TUBGCP2: variants seen among roughly 807,000 people sequenced by gnomAD.
The protein encoded by TUBGCP2 is tubulin gamma complex component 2, also known as gamma-tubulin complex component 2.
A neutral mutation model predicts 92.2 loss-of-function variants in TUBGCP2; 55 were observed. That is an observed-to-expected ratio of 0.60 (90% CI 0.48 to 0.75). The LOEUF (loss-of-function observed/expected upper bound fraction) is 0.75, where lower values mean the gene tolerates loss of function less well. Ranked by LOEUF, TUBGCP2 falls within the 30% of genes least tolerant of loss-of-function variation. TUBGCP2 has a pLI of 0.00. For missense variants in TUBGCP2, 1,093 were observed against 1,188.9 expected (o/e 0.92, Z 1.19); for synonymous variants, 533 against 505.2 (o/e 1.06, Z -0.74).
At position 133,281,397 on chromosome 10, in the gene TUBGCP2, C is replaced by T. The variant is rs374528042; in HGVS notation, c.2449G>A (p.Gly817Ser). The change falls in exon 17 of 18, where the codon GGC becomes AGC. Residue 817 changes from glycine to serine, a missense_variant. By Grantham distance (56) the Gly-to-Ser change is moderately conservative. Around this residue, in one of 3 missense-constraint regions of TUBGCP2, gnomAD observed 598 missense variants for 675.5 expected, o/e 0.89. Transcript: ENST00000252936. Reference protein sequence around the residue: ...EHADTVQLVSGFEATINKFDK... With the variant: ...EHADTVQLVSSFEATINKFDK... ...AACTTGTTGATGGTGGCCTCGAAGCCGGACACCAGCTGCACAGTGTCTGCG... is the reference window on the plus strand; with the variant it reads ...AACTTGTTGATGGTGGCCTCGAAGCTGGACACCAGCTGCACAGTGTCTGCG... 24 of 1,613,492 alleles carry T rather than the reference C, an allele frequency of 1.5e-5. No homozygotes were observed. The highest frequency in any genetic ancestry group is 4.5e-5 in the East Asian group (2 of 44,876).
rs185211643 is a variant in TUBGCP2, at chr10:133,298,230, A to C, written c.457-119T>G. 42 of 1,092,850 alleles carry C rather than the reference A, an allele frequency of 3.8e-5. No homozygotes were observed. The East Asian group carries it at 8.0e-4, about 21-fold the overall frequency. The allele number at this position is 1,092,850 out of a possible 1,614,324, so 67.7% of individuals were successfully genotyped here. On this transcript the variant is annotated intron_variant, in intron 4 of 17. Coordinates refer to ENST00000252936, the MANE Select transcript of TUBGCP2 (RefSeq NM_006659.4). ...AAGATGATTACTCAATTCAACACCCACAAAGGGTCAACCACATAGAAATGA... is the reference window on the plus strand; with the variant it reads ...AAGATGATTACTCAATTCAACACCCCCAAAGGGTCAACCACATAGAAATGA...
upstream of TUBGCP2, chr10:133,310,042 C>T (rs1284588707): frequency 6.2e-7 from 1 of 1,608,894 alleles, no homozygotes; most frequent in Admixed American, 1.7e-5. Context: ...AGTGCTGCCC[C>T]CAGCTCTCGG....
At chr10:133,306,092 G>A (rs905695226) in intron 1 of TUBGCP2, among the ~76,000 whole-genome samples, 5 of 152,220 alleles carry the variant, frequency 3.3e-5, no homozygotes, top group Admixed American at 2.0e-4. Flanking sequence ...ACAAACATGC[G>A]GCACCATTGC....
intron 13 of TUBGCP2, among the ~76,000 whole-genome samples, chr10:133,284,279 G>A (rs191381842): frequency 5.9e-5 from 9 of 152,336 alleles, no homozygotes; most frequent in African/African-American, 9.6e-5. Flanking sequence ...CTTGGTGGAC[G>A]GACCCCTCGG....
At chr10:133,309,818 G>T (rs1404215541), upstream of TUBGCP2, 2 of 1,613,616 alleles carry the variant, frequency 1.2e-6, no homozygotes, top group East Asian at 2.2e-5. Flanking sequence ...GCTGCCAGGT[G>T]TTCGATGCCC....
rs1171075996 is a variant in TUBGCP2 at position 133,308,766 on chromosome 10, C to T, written c.-40+57G>A. The T allele has an allele frequency of 1.1e-5, 4 of 361,922 alleles. No individual in the cohort carries two copies. The East Asian group carries it at 1.8e-4, about 16-fold the overall frequency. 22.4% of individuals were successfully genotyped at this position (361,922 alleles called of 1,614,324 possible). A position where few individuals can be genotyped will look rare whatever the true frequency, so the allele number is the denominator to read the frequency against. On this transcript the variant is annotated intron_variant, in intron 1 of 17. Transcript: ENST00000252936. The stretch of plus-strand genomic sequence containing the variant: ...CCGTCGCCTCGTGGGCCCCCCCGGG[C>T]CTGGCAGTCCCCCAACCCCCTCATC...
chr10:133,293,413 G>GACCCTCCAAA, intron 6 of TUBGCP2, 149 bp downstream of exon 6: 1 of 1,182,718 alleles, frequency 8.5e-7, no homozygotes, highest in Non-Finnish European at 1.2e-6. Context: ...GTGACTCACA[G>GACCCTCCAAA]ACCCTCCAAA....
rs374152525 is a variant in TUBGCP2 at position 133,288,950 on chromosome 10, G to A, written c.1431C>T (p.Tyr477=). 7 of 1,614,106 alleles carry A rather than the reference G, an allele frequency of 4.3e-6. No homozygotes were observed. In the African/African-American group the frequency reaches 6.7e-5, roughly 15 times the overall value. ...CCACATACGCCCGCTCTTTTAACGT[G>A]TAGATGATCTCTTTAGCCACCGGGC... is the stretch of plus-strand genomic sequence containing the variant. ...VTCPVAKEII[Y]TLKERAYVEQ... Residue 477 remains tyrosine (Y), a synonymous_variant, in exon 10 of 18, where the codon TAC becomes TAT. Transcript: ENST00000252936.
chr10:133,303,288 G>C (rs2136140100), intron 1 of TUBGCP2, among the ~76,000 whole-genome samples: 1 of 152,266 alleles, frequency 6.6e-6, no homozygotes, highest in South Asian at 2.1e-4. Flanking sequence ...CCTGGGATTA[G>C]GGCCCCTCCC....
At chr10:133,309,462 A>C (rs1847934993), upstream of TUBGCP2, 1 of 1,612,072 alleles carries the variant, frequency 6.2e-7, no homozygotes, top group Non-Finnish European at 8.5e-7. Flanking sequence ...TGAGAAGCCC[A>C]GGTAAGCGAA....
chr10:133,300,905 T>G (rs1847633034), intron 2 of TUBGCP2, among the ~76,000 whole-genome samples: 1 of 152,154 alleles, frequency 6.6e-6, no homozygotes, highest in Non-Finnish European at 1.5e-5. Context: ...GAGTAGCAAC[T>G]TGCATTTCCC....
Position 133,282,245 on chromosome 10 carries a change from GC to G in TUBGCP2, c.2386del (p.Ala796ProfsTer45). ...CACCTTCCTGGCGAGCTCCTTCCGG[GC>G]CCGCTCCTCGGCCCCTGCGGGCAGC... Reference protein sequence around the residue: ...LGLPAGAEERARKELARKHLA... With the variant: ...LGLPAGAEERXRKELARKHLA... On this transcript the variant is annotated frameshift_variant, in exon 16 of 18. Coordinates refer to ENST00000252936, the MANE Select transcript of TUBGCP2 (RefSeq NM_006659.4). LOFTEE classifies it high-confidence loss of function. 1.9e-6 allele frequency: 3 copies of G among 1,611,840 alleles called. No individual in the cohort carries two copies. Among genetic ancestry groups the G allele is most frequent in the South Asian group, 2.2e-5 (2 of 90,874 alleles).
At position 133,285,231 on chromosome 10, in the gene TUBGCP2, G is replaced by T. The variant is rs748396784; in HGVS notation, c.1896-18C>A. 10 of 1,610,528 alleles carry T rather than the reference G, an allele frequency of 6.2e-6. No individual in the cohort carries two copies. Among genetic ancestry groups the T allele is most frequent in the Non-Finnish European group, 7.6e-6 (9 of 1,179,944 alleles). Reference sequence around the variant, plus strand: ...GGGCTTTCCTGCAAGAGACGTGGCGGCACCTCAGGTGGGCCTCCGTGACCG... The same window carrying T: ...GGGCTTTCCTGCAAGAGACGTGGCGTCACCTCAGGTGGGCCTCCGTGACCG... On this transcript the variant is annotated intron_variant, in intron 12 of 17. Coordinates refer to ENST00000252936, the MANE Select transcript of TUBGCP2 (RefSeq NM_006659.4). This position sits in a 1 kb window ranked among gnomAD's most constrained non-coding sequence, Gnocchi z 6.8.
At chr10:133,291,329 G>A (rs1201594666) in intron 8 of TUBGCP2, among the ~76,000 whole-genome samples, 1 of 33,372 alleles carries the variant, frequency 3.0e-5, no homozygotes, top group Non-Finnish European at 6.0e-5. Context: ...AGGGCAGCAT[G>A]CACCGTCCGT....
chr10:133,282,332 T>C lies in TUBGCP2; in HGVS notation c.2300A>G (p.Gln767Arg). The C allele has an allele frequency of 6.3e-7, 1 of 1,597,560 alleles. No homozygotes were observed. Among genetic ancestry groups the C allele is most frequent in the Non-Finnish European group, 8.6e-7 (1 of 1,169,372 alleles). The change falls in exon 16 of 18, where the codon CAG becomes CGG. Residue 767 changes from glutamine (Q) to arginine (R), a missense_variant. By Grantham distance (43) the Gln-to-Arg change is conservative. Around this residue, in one of 3 missense-constraint regions of TUBGCP2, gnomAD observed 598 missense variants for 675.5 expected, o/e 0.89. Coordinates refer to ENST00000252936, the MANE Select transcript of TUBGCP2 (RefSeq NM_006659.4). ...MFTNCMQKFT[Q>R]SMKLDGELGG... is the part of the protein sequence containing the mutation. ...CAGCTCGCCATCTAATTTCATGCTC[T>C]GTGTAAATTTCTAGGGGGGGAGAGT...
Position 133,293,588 on chromosome 10 carries a change from C to T in TUBGCP2, c.798G>A (p.Val266=). 6.4e-7 allele frequency: 1 copy of T among 1,554,880 alleles called. No homozygotes were observed. Among genetic ancestry groups the T allele is most frequent in the South Asian group, 1.2e-5 (1 of 84,366 alleles). The change falls in exon 6 of 18, where the codon GTG becomes GTA. Residue 266 remains valine, a synonymous_variant. Coordinates refer to ENST00000252936, the MANE Select transcript of TUBGCP2 (RefSeq NM_006659.4). ...TGGTCACAGCGGAGTAGCTGGCGGC[C>T]ACTGGGAGGATCCTGTGCACCAGCT... ...IRELVHRILP[V]AASYSAVTRF...
Position 133,300,098 on chromosome 10 carries a change from A to G in TUBGCP2, c.166T>C (p.Phe56Leu), listed in dbSNP as rs1564772682. 6.2e-7 allele frequency: 1 copy of G among 1,613,220 alleles called. No homozygotes were observed. The highest frequency in any genetic ancestry group is 8.5e-7 in the Non-Finnish European group (1 of 1,179,588). Residue 56 changes from phenylalanine to leucine, a missense_variant, in exon 3 of 18, where the codon TTT (phenylalanine) becomes CTT (leucine). Transcript: ENST00000252936. ...AGAAAGTCTTCTGGAGTACGAGAAA[A>G]CTCTGCAATTTTAACCTCAAAAGCA... ...AHSAKVKIAE[F>L]SRTPEDFLKK...
chr10:133,289,113 T>A (rs1034377098), intron 9 of TUBGCP2, 93 bp from the exon 10 acceptor site: 1 of 1,393,978 alleles, frequency 7.2e-7, no homozygotes, highest in African/African-American at 1.4e-5. Context: ...GGAATGGACA[T>A]TGAATGGGCT....
intron 11 of TUBGCP2, among the ~76,000 whole-genome samples, chr10:133,287,003 G>A (rs1847149708): frequency 1.3e-5 from 2 of 152,170 alleles, no homozygotes; most frequent in African/African-American, 2.4e-5. Flanking sequence ...GAAAAATACA[G>A]TCAACAAACC....
Sources: allele counts gnomAD v4.1 joint callset (sites outside exome capture counted in the v4.1 genomes callset), GRCh38; gene constraint gnomAD v4.1.1; regional missense constraint gnomAD v4.1.1; non-coding constraint Gnocchi (gnomAD v3.1); transcripts MANE v1.5; gene names NCBI Gene and HGNC (gene_info 2026-07-23, HGNC 2026-07-21).